The following G3BP1 variants were observed in gnomAD, a reference collection of about 807,000 sequenced individuals.
The protein encoded by G3BP1 is ras GTPase-activating protein-binding protein 1.
A neutral mutation model predicts 58.6 loss-of-function variants in G3BP1; 35 were observed. That is an observed-to-expected ratio of 0.60 (90% confidence interval 0.46 to 0.79). The LOEUF is 0.79. Among genes scored for constraint, G3BP1 ranks in the 30% least tolerant of loss-of-function variants. The pLI is 0.00. For missense variants in G3BP1, 523 were observed against 580.8 expected (o/e 0.90, Z 1.02); for synonymous variants, 191 against 195.4 (o/e 0.98, Z 0.19).
chr5:151,785,085 C>T (rs1020688452), intron 1 of G3BP1, among the ~76,000 whole-genome samples: 4 of 152,282 alleles, frequency 2.6e-5, no homozygotes, highest in East Asian at 1.9e-4. Flanking sequence ...AAACTAATGA[C>T]GAAATGATCC....
At chr5:151,797,931 A>G (rs566423678) in intron 7 of G3BP1, among the ~76,000 whole-genome samples, 1 of 152,252 alleles carries the variant, frequency 6.6e-6, no homozygotes, top group East Asian at 1.9e-4. Context: ...TGTCCTTCTG[A>G]GTCTCGTCAG....
intron 4 of G3BP1, chr5:151,792,125 T>C (rs1259823773): frequency 3.3e-5 from 15 of 456,204 alleles, no homozygotes; most frequent in Admixed American, 3.1e-4. Context: ...TTTTTAGTTA[T>C]ACTTATGAAA....
At chr5:151,785,375 A>G (rs1275477332) in intron 1 of G3BP1, among the ~76,000 whole-genome samples, 1 of 152,246 alleles carries the variant, frequency 6.6e-6, no homozygotes, top group African/African-American at 2.4e-5. Context: ...GAGAGTAAAT[A>G]TATCTTCACA....
chr5:151,798,891 A>T lies in G3BP1; in HGVS notation c.742-321A>T, dbSNP rs1009158836. Reference sequence around the variant, plus strand: ...TGGGAGGATCACTTGAGCACAGGAGATGTAGGCTGCAATGAGCTGTGTGCA... The same window carrying T: ...TGGGAGGATCACTTGAGCACAGGAGTTGTAGGCTGCAATGAGCTGTGTGCA... On this transcript the variant is annotated intron_variant, in intron 7 of 11. Coordinates refer to ENST00000356245, the MANE Select transcript of G3BP1 (RefSeq NM_005754.3). 2.0e-5 allele frequency among the ~76,000 whole-genome samples: 3 copies of T among 151,794 alleles called. No individual in the cohort carries two copies. The South Asian group carries it at 6.3e-4, about 32-fold the overall frequency.
chr5:151,777,216 C>G (rs1234391617), intron 1 of G3BP1, among the ~76,000 whole-genome samples: 1 of 152,144 alleles, frequency 6.6e-6, no homozygotes. Context: ...GATTTTGTTT[C>G]TAAATTCCCA....
At chr5:151,781,043 T>G (rs376472627) in intron 1 of G3BP1, among the ~76,000 whole-genome samples, 3 of 152,040 alleles carry the variant, frequency 2.0e-5, no homozygotes, top group South Asian at 4.2e-4. Context: ...TTTTGGAGAT[T>G]TGTAACAATT....
rs779308357 is a variant in G3BP1 at position 151,795,595 on chromosome 5, A to G, written c.539+20A>G. ...TGTCAGGTAAGAAGATTTTGTTCAC[A>G]TGTCCGGGGCTGCATAAGAACTTGC... On this transcript the variant is annotated intron_variant, in intron 6 of 11. Coordinates refer to ENST00000356245, the MANE Select transcript of G3BP1 (RefSeq NM_005754.3). The G allele has an allele frequency of 7.2e-6, 9 of 1,257,346 alleles. No homozygotes were observed. Among genetic ancestry groups the G allele is most frequent in the African/African-American group, 1.5e-5 (1 of 67,672 alleles). The allele number at this position is 1,257,346 out of a possible 1,614,324, so 77.9% of individuals were successfully genotyped here. A position where few individuals can be genotyped will look rare whatever the true frequency, so the allele number is the denominator to read the frequency against.
chr5:151,803,938 A>G lies in G3BP1; in HGVS notation c.1248A>G (p.Arg416=), dbSNP rs777672382. Residue 416 remains arginine (R), a synonymous_variant, in exon 12 of 12, where the codon CGA becomes CGG. Transcript: ENST00000356245. ...TGAATGTCGAAGAGAAGAAGACTCGAGCTGCCAGGGAAGGCGACCGACGAG... is the reference window on the plus strand; with the variant it reads ...TGAATGTCGAAGAGAAGAAGACTCGGGCTGCCAGGGAAGGCGACCGACGAG... The part of the protein sequence containing the change: ...VRLNVEEKKT[R]AAREGDRRDN... The G allele has an allele frequency of 6.8e-6, 11 of 1,613,884 alleles. No homozygotes were observed. The highest frequency in any genetic ancestry group is 1.6e-4 in the Middle Eastern group (1 of 6,084).
At chr5:151,803,407 C>T (rs1762889918) in intron 11 of G3BP1, among the ~76,000 whole-genome samples, 1 of 152,142 alleles carries the variant, frequency 6.6e-6, no homozygotes, top group Non-Finnish European at 1.5e-5. Flanking sequence ...AGTTGCACTC[C>T]AGTCTGGGTG....
At chr5:151,781,699 A>G (rs772358122) in intron 1 of G3BP1, among the ~76,000 whole-genome samples, 4 of 152,230 alleles carry the variant, frequency 2.6e-5, no homozygotes, top group Non-Finnish European at 4.4e-5. Context: ...TTGTCTTTTA[A>G]ACAGACAGCA....
At chr5:151,790,834 T>C in intron 3 of G3BP1, 55 bp from the exon 4 acceptor site, 1 of 1,049,124 alleles carries the variant, frequency 9.5e-7, no homozygotes, top group African/African-American at 1.6e-5. Context: ...TTGGAGGTTA[T>C]TTAAATTTTA....
intron 2 of G3BP1, 119 bp downstream of exon 2, chr5:151,786,834 A>T: frequency 1.5e-6 from 1 of 664,080 alleles, no homozygotes; most frequent in Non-Finnish European, 2.7e-6. Context: ...ACTTATTTAC[A>T]TATAAATATC....
chr5:151,797,834 A>G (rs1286669227), intron 7 of G3BP1, among the ~76,000 whole-genome samples: 1 of 152,234 alleles, frequency 6.6e-6, no homozygotes, highest in Admixed American at 6.5e-5. Flanking sequence ...ATTTTATTGA[A>G]GATAACTTTA....
intron 1 of G3BP1, among the ~76,000 whole-genome samples, chr5:151,778,703 A>G (rs1360484159): frequency 1.3e-5 from 2 of 151,368 alleles, no homozygotes; most frequent in African/African-American, 4.9e-5. Context: ...CGGCCTCCCA[A>G]AGTGCTGGGA....
intron 1 of G3BP1, among the ~76,000 whole-genome samples, chr5:151,776,087 A>G (rs528149842): frequency 1.4e-4 from 22 of 152,342 alleles, no homozygotes; most frequent in African/African-American, 4.6e-4. Flanking sequence ...CCAAGATGCC[A>G]CATTGTATGT....
intron 1 of G3BP1, among the ~76,000 whole-genome samples, chr5:151,781,912 A>T (rs1762478271): frequency 6.6e-6 from 1 of 152,168 alleles, no homozygotes; most frequent in Admixed American, 6.5e-5. Flanking sequence ...TGGGCTATCC[A>T]TGCCCCTAAT....
At position 151,795,530 on chromosome 5, in the gene G3BP1, T is replaced by A. The variant is rs1217963869; in HGVS notation, c.494T>A (p.Val165Glu). The A allele has an allele frequency of 6.2e-7, 1 of 1,608,336 alleles. No homozygotes were observed. Among genetic ancestry groups the A allele is most frequent in the Non-Finnish European group, 8.5e-7 (1 of 1,175,098 alleles). The part of the protein sequence containing the change: ...EPEERQQTPE[V>E]VPDDSGTFYD... Reference sequence around the variant, plus strand: ...GAAGAAAGACAGCAAACACCTGAGGTGGTACCTGATGATTCTGGAACTTTC... The same window carrying A: ...GAAGAAAGACAGCAAACACCTGAGGAGGTACCTGATGATTCTGGAACTTTC... Residue 165 changes from valine to glutamate, a missense_variant, in exon 6 of 12, where the codon GTG (valine) becomes GAG (glutamate). Around this residue, in one of 2 missense-constraint regions of G3BP1, gnomAD observed 398 missense variants for 399.1 expected, o/e 1.00. Transcript: ENST00000356245.
intron 1 of G3BP1, among the ~76,000 whole-genome samples, chr5:151,776,528 A>G (rs554847163): frequency 1.3e-5 from 2 of 152,124 alleles, no homozygotes; most frequent in East Asian, 3.9e-4. Flanking sequence ...ATTTTAATGG[A>G]TCTCGTCTGC....
chr5:151,797,091 A>C (rs1762765045), intron 6 of G3BP1, 136 bp from the exon 7 acceptor site: 1 of 750,204 alleles, frequency 1.3e-6, no homozygotes, highest in Non-Finnish European at 2.2e-6. Context: ...ACTCAGATAG[A>C]TATACAATTC....
Sources: gnomAD v4.1 joint callset for allele counts (sites outside exome capture counted in the v4.1 genomes callset) on GRCh38, gnomAD v4.1.1 for gene constraint, gnomAD v4.1.1 regional missense constraint, MANE v1.5 for transcripts, NCBI Gene and HGNC (gene_info 2026-07-23, HGNC 2026-07-21) for gene names.